RASAL3: variants seen among roughly 807,000 people sequenced by gnomAD.
RASAL3 encodes the protein RAS protein activator like 3.
In RASAL3, 74 loss-of-function variants were observed where a neutral mutation model predicts 105.5. The observed-to-expected ratio is 0.70, with a 90% CI of 0.58 to 0.85. The LOEUF (loss-of-function observed/expected upper bound fraction) is 0.85, where lower values mean the gene tolerates loss of function less well. Among genes scored for constraint, RASAL3 ranks in the 40% least tolerant of loss-of-function variants. RASAL3 has a pLI of 0.00. For synonymous variants in RASAL3, 579 were observed against 591.6 expected, an observed-to-expected ratio of 0.98 and a Z score of 0.31; for missense variants, 1,352 against 1,392.0, an observed-to-expected ratio of 0.97 and a Z score of 0.46.
chr19:15,456,707 C>A lies in RASAL3; in HGVS notation c.1432-61G>T. 6.4e-7 allele frequency: 1 copy of A among 1,565,058 alleles called. No individual in the cohort carries two copies. The highest frequency in any genetic ancestry group is 8.6e-7 in the Non-Finnish European group (1 of 1,158,560). On this transcript the variant is annotated intron_variant, in intron 9 of 17. Transcript: ENST00000343625. The surrounding 1 kb of genome is among the most constrained non-coding windows in gnomAD (Gnocchi z 4.4). Reference sequence around the variant, plus strand: ...AGACAGAGTCCAAGGGAATTCGGATCCTTGGCTGGTCCCTCACACCAGAGG... The same window carrying A: ...AGACAGAGTCCAAGGGAATTCGGATACTTGGCTGGTCCCTCACACCAGAGG...
rs753960572 is a variant in RASAL3, at chr19:15,464,273, C to G, written c.86G>C (p.Gly29Ala). ...PLTSYRWHTG[G>A]GGEKAAGGFR... ...CCCTCCAGCCGCCTTCTCCCCACCGCCCCCTGTGTGCCAGCGGTAGGAAGT... is the reference window on the plus strand; with the variant it reads ...CCCTCCAGCCGCCTTCTCCCCACCGGCCCCTGTGTGCCAGCGGTAGGAAGT... Residue 29 changes from glycine to alanine, a missense_variant, in exon 2 of 18, where the codon GGC becomes GCC. Transcript: ENST00000343625. 3.1e-6 allele frequency: 5 copies of G among 1,609,658 alleles called. No homozygotes were observed. The African/African-American group carries it at 5.4e-5, about 17-fold the overall frequency.
Position 15,452,682 on chromosome 19 carries a change from T to A in RASAL3, c.2804A>T (p.Asp935Val). ...CCCAGCACGGAGCCTGGAGTCCAGA[T>A]CCTGCAGCTGGCCCCGCAGCTGCTC... ...QQEQLRGQLQ[D>V]LDSRLRAGSS... Residue 935 changes from aspartate to valine, a missense_variant, in exon 16 of 18, where the codon GAT becomes GTT. Transcript: ENST00000343625. The A allele has an allele frequency of 6.5e-7, 1 of 1,549,958 alleles. No homozygotes were observed. The highest frequency in any genetic ancestry group is 8.7e-7 in the Non-Finnish European group (1 of 1,146,696).
intron 6 of RASAL3, 112 bp from the exon 7 acceptor site, chr19:15,458,767 C>A: frequency 7.3e-7 from 1 of 1,362,774 alleles, no homozygotes; most frequent in Non-Finnish European, 9.7e-7. Context: ...GATCCCGTTT[C>A]TCCCCCGTGC....
Position 15,464,117 on chromosome 19 carries a change from C to A in RASAL3, c.242G>T (p.Ser81Ile). 2 of 1,613,388 alleles carry A rather than the reference C, an allele frequency of 1.2e-6. No individual in the cohort carries two copies. Among genetic ancestry groups the A allele is most frequent in the East Asian group, 4.5e-5 (2 of 44,856 alleles). The change falls in exon 2 of 18, where the codon AGT becomes ATT. Residue 81 changes from serine (S) to isoleucine (I), a missense_variant. Ser to Ile is a moderately radical substitution (Grantham distance 142). Transcript: ENST00000343625. ...LSAPPKESRT[S>I]RLRLSKALWG... ...GAGGGCCTTGGAGAGTCGAAGGCGA[C>A]TGGTCCGTGACTCCTTGGGAGGCGC... is the stretch of plus-strand genomic sequence containing the variant.
intron 8 of RASAL3, chr19:15,458,044 G>C: frequency 4.6e-6 from 3 of 648,942 alleles, no homozygotes; most frequent in Non-Finnish European, 7.9e-6. Flanking sequence ...AGAGTTGGGG[G>C]CTCCAGGGCA....
intron 2 of RASAL3, among the ~76,000 whole-genome samples, chr19:15,462,245 G>A (rs899830428): frequency 1.3e-4 from 20 of 152,060 alleles, no homozygotes; most frequent in African/African-American, 4.3e-4. Context: ...CTAGCACTTT[G>A]GGAGGCCTAG....
Position 15,457,749 on chromosome 19 carries a change from C to G in RASAL3, c.974G>C (p.Gly325Ala), listed in dbSNP as rs1270683925. 1 of 1,543,796 alleles carries G rather than the reference C, an allele frequency of 6.5e-7. No individual in the cohort carries two copies. Among genetic ancestry groups the G allele is most frequent in the Non-Finnish European group, 8.7e-7 (1 of 1,144,820 alleles). The part of the protein sequence containing the change: ...GLPRAAAGAP[G>A]VRAELWLDGA... ...ATCCAGCCACAGCTCGGCGCGCACG[C>G]CGGGTGCCCCCGCCGCTGCTCGGGG... is the stretch of plus-strand genomic sequence containing the variant. Residue 325 changes from glycine (G) to alanine (A), a missense_variant, in exon 9 of 18, where the codon GGC becomes GCC. By Grantham distance (60) the Gly-to-Ala change is moderately conservative (BLOSUM62 0). Transcript: ENST00000343625. This position sits in a 1 kb window ranked among gnomAD's most constrained non-coding sequence, Gnocchi z 8.6.
intron 6 of RASAL3, 45 bp downstream of exon 6, chr19:15,460,158 G>C: frequency 6.6e-7 from 1 of 1,513,608 alleles, no homozygotes; most frequent in Non-Finnish European, 9.0e-7. Context: ...AGGAGGAGGG[G>C]CCAGTGTTGA....
At chr19:15,460,053 G>T in intron 6 of RASAL3, 150 bp downstream of exon 6, 1 of 672,658 alleles carries the variant, frequency 1.5e-6, no homozygotes. Flanking sequence ...CTCTGTGCTA[G>T]ATCATTCAAT....
Position 15,456,554 on chromosome 19 carries a change from A to C in RASAL3, c.1524T>G (p.Ala508=). The C allele has an allele frequency of 6.2e-7, 1 of 1,613,832 alleles. No homozygotes were observed. The highest frequency in any genetic ancestry group is 1.3e-5 in the African/African-American group (1 of 75,048). ...CCACGAGCTTCATGTACTCATCGAT[A>C]GCCTTGGTGGCCAATGTGTTTTCCC... The part of the protein sequence containing the change: ...LFRENTLATK[A]IDEYMKLVAQ... The change falls in exon 10 of 18, where the codon GCT becomes GCG. Residue 508 remains alanine (A), a synonymous_variant. Coordinates refer to ENST00000343625, the MANE Select transcript of RASAL3 (RefSeq NM_022904.3). The surrounding 1 kb of genome is among the most constrained non-coding windows in gnomAD (Gnocchi z 4.4).
intron 8 of RASAL3, 133 bp downstream of exon 8, chr19:15,458,195 G>A (rs1202817177): frequency 2.5e-6 from 2 of 793,522 alleles, no homozygotes; most frequent in Non-Finnish European, 2.1e-6. Flanking sequence ...TCTTGGAGCC[G>A]TTGCAACGAT....
chr19:15,456,752 A>G lies in RASAL3; in HGVS notation c.1432-106T>C. Reference sequence around the variant, plus strand: ...CAGAGGCACAGGCCCCGCCCCTTGTAGCTGATGCTTAGGCCCAGTCCTTAC... The same window carrying G: ...CAGAGGCACAGGCCCCGCCCCTTGTGGCTGATGCTTAGGCCCAGTCCTTAC... On this transcript the variant is annotated intron_variant, in intron 9 of 17. Transcript: ENST00000343625. The surrounding 1 kb of genome is among the most constrained non-coding windows in gnomAD (Gnocchi z 4.4). 1.5e-6 allele frequency: 2 copies of G among 1,343,832 alleles called. No individual in the cohort carries two copies. The highest frequency in any genetic ancestry group is 2.0e-6 in the Non-Finnish European group (2 of 982,212). 83.2% of individuals were successfully genotyped at this position (1,343,832 alleles called of 1,614,324 possible).
chr19:15,452,996 C>T (rs886855708), intron 15 of RASAL3, 111 bp downstream of exon 15: 1 of 1,519,760 alleles, frequency 6.6e-7, no homozygotes, highest in African/African-American at 1.4e-5. Flanking sequence ...GGCCTGGGGT[C>T]ACACAGCACA....
intron 11 of RASAL3, among the ~76,000 whole-genome samples, chr19:15,455,699 C>T (rs1970293216): frequency 6.6e-6 from 1 of 152,228 alleles, no homozygotes; most frequent in Admixed American, 6.5e-5. Flanking sequence ...GGGTCTCTGT[C>T]AACCAGGCTG....
In RASAL3 at chr19:15,456,691, C is replaced by A; in HGVS notation, c.1432-45G>T. ...AGGTTGCACCAGATGCAGACAGAGTCCAAGGGAATTCGGATCCTTGGCTGG... is the reference window on the plus strand; with the variant it reads ...AGGTTGCACCAGATGCAGACAGAGTACAAGGGAATTCGGATCCTTGGCTGG... On this transcript the variant is annotated intron_variant, in intron 9 of 17. Transcript: ENST00000343625. This position sits in a 1 kb window ranked among gnomAD's most constrained non-coding sequence, Gnocchi z 4.4. The A allele has an allele frequency of 6.3e-7, 1 of 1,593,686 alleles. No homozygotes were observed. Among genetic ancestry groups the A allele is most frequent in the South Asian group, 1.1e-5 (1 of 89,050 alleles).
rs1312929181 is a variant in RASAL3 at position 15,457,318 on chromosome 19, CGCGCACCATGGCTGCCGCCA to C, written c.1385_1404del (p.Leu462ArgfsTer14). 1 of 1,340,900 alleles carries C rather than the reference CGCGCACCATGGCTGCCGCCA, an allele frequency of 7.5e-7. No homozygotes were observed. The highest frequency in any genetic ancestry group is 1.6e-5 in the African/African-American group (1 of 63,976). 83.1% of individuals were successfully genotyped at this position (1,340,900 alleles called of 1,614,324 possible). On this transcript the variant is annotated frameshift_variant, in exon 9 of 18. Coordinates refer to ENST00000343625, the MANE Select transcript of RASAL3 (RefSeq NM_022904.3). LOFTEE classifies it high-confidence loss of function. This position sits in a 1 kb window ranked among gnomAD's most constrained non-coding sequence, Gnocchi z 8.6. ...TGCGCCCGGCCGGTGGCCCGCAGCA[CGCGCACCATGGCTGCCGCCA>C]GCTCCTCCTTGGCCTGCGCAGGCAG...
intron 6 of RASAL3, among the ~76,000 whole-genome samples, chr19:15,459,906 C>G (rs1970455503): frequency 6.6e-6 from 1 of 152,140 alleles, no homozygotes; most frequent in Non-Finnish European, 1.5e-5. Context: ...GCTTTTTCCA[C>G]CCCCCTGTTG....
chr19:15,461,561 A>T lies in RASAL3; in HGVS notation c.375T>A (p.Pro125=). 1 of 1,536,502 alleles carries T rather than the reference A, an allele frequency of 6.5e-7. No homozygotes were observed. Among genetic ancestry groups the T allele is most frequent in the Non-Finnish European group, 8.7e-7 (1 of 1,146,620 alleles). ...CAGGCACGTTGGGTGTGGGGGCCTC[A>T]GGGATCTGTGGGGTAGGGGGCTCCA... is the stretch of plus-strand genomic sequence containing the variant. The part of the protein sequence containing the change: ...PELEPPTPQI[P]EAPTPNVPVW... The change falls in exon 3 of 18, where the codon CCT becomes CCA. Residue 125 remains proline (P), a synonymous_variant. Coordinates refer to ENST00000343625, the MANE Select transcript of RASAL3 (RefSeq NM_022904.3).
In RASAL3 at chr19:15,454,945, G is replaced by T. The variant is rs1002489992; in HGVS notation, c.1722-52C>A. 3.6e-6 allele frequency: 5 copies of T among 1,383,330 alleles called. No individual in the cohort carries two copies. In the Admixed American group the frequency reaches 1.1e-4, roughly 31 times the overall value. The allele number at this position is 1,383,330 out of a possible 1,614,324, so 85.7% of individuals were successfully genotyped here. ...CAGACGGGGAGGCTATGGGCATAAA[G>T]GTTAAAGTCATAAGGTTGGGAGTCC... On this transcript the variant is annotated intron_variant, in intron 11 of 17. Transcript: ENST00000343625.
Sources: gnomAD v4.1 joint callset for allele counts (sites outside exome capture counted in the v4.1 genomes callset) on GRCh38, gnomAD v4.1.1 for gene constraint, Gnocchi (gnomAD v3.1) non-coding constraint, MANE v1.5 for transcripts, NCBI Gene and HGNC (gene_info 2026-07-23, HGNC 2026-07-21) for gene names.